Variants in AGBL4 observed in about 807,000 individuals in gnomAD.
AGBL4 encodes AGBL carboxypeptidase 4.
AGBL4 carries 58 observed loss-of-function variants against 66.4 expected under a neutral mutation model. The ratio of observed to expected loss-of-function variants is 0.87; its 90% CI spans 0.71 to 1.09. The LOEUF is 1.09. Ranked by LOEUF, AGBL4 falls within the 50% of genes least tolerant of loss-of-function variation. The pLI is 0.00. For missense variants in AGBL4, 579 were observed against 631.0 expected (o/e 0.92, Z 0.88); for synonymous variants, 234 against 222.9 (o/e 1.05, Z -0.44).
chr1:48,851,420 A>G (rs1026441976), intron 6 of AGBL4, among the ~76,000 whole-genome samples: 1 of 152,210 alleles, frequency 6.6e-6, no homozygotes, highest in Non-Finnish European at 1.5e-5. Flanking sequence ...AACAAAACAT[A>G]GGCAGGGGCC....
intron 2 of AGBL4, chr1:49,845,408 C>A: frequency 7.2e-7 from 1 of 1,385,400 alleles, no homozygotes; most frequent in East Asian, 2.3e-5. Flanking sequence ...AACAAGAAGC[C>A]CTATGAGTGC....
intron 5 of AGBL4, among the ~76,000 whole-genome samples, chr1:48,878,648 C>A (rs1460015075): frequency 2.0e-5 from 3 of 152,110 alleles, no homozygotes; most frequent in Non-Finnish European, 4.4e-5. Flanking sequence ...TGACTGTGAG[C>A]TTTTACCAGC....
intron 1 of AGBL4, among the ~76,000 whole-genome samples, chr1:49,960,664 T>A (rs1571964715): frequency 6.6e-6 from 1 of 152,154 alleles, no homozygotes; most frequent in East Asian, 1.9e-4. Context: ...AACATCACTG[T>A]GTATCTCATG....
Position 49,245,398 on chromosome 1 carries a change from A to C in AGBL4, c.377+372T>G, listed in dbSNP as rs1211826520. The stretch of plus-strand genomic sequence containing the variant: ...ATCTATGCTTAGGCTAGGAAAAAAA[A>C]AAAGAACCAACTTTATTTATGTTTC... On this transcript the variant is annotated intron_variant, in intron 4 of 13. Transcript: ENST00000371839. Among the ~76,000 whole-genome samples the C allele has an allele frequency of 3.3e-5, 5 of 151,744 alleles. No homozygotes were observed. In the East Asian group the frequency reaches 9.7e-4, roughly 29 times the overall value.
rs1646120377 is a variant in AGBL4, at chr1:49,655,965, G to C, written c.282+41348C>G. Reference sequence around the variant, plus strand: ...AGTTCAAGACCAGCCTGACCAACCTGGTGAAACCCCGTCTCTATTAAAAAT... The same window carrying C: ...AGTTCAAGACCAGCCTGACCAACCTCGTGAAACCCCGTCTCTATTAAAAAT... On this transcript the variant is annotated intron_variant, in intron 3 of 13. Coordinates refer to ENST00000371839, the MANE Select transcript of AGBL4 (RefSeq NM_032785.4). 2.0e-5 allele frequency among the ~76,000 whole-genome samples: 3 copies of C among 152,190 alleles called. No homozygotes were observed. The South Asian group carries it at 6.2e-4, about 32-fold the overall frequency.
At chr1:49,916,174 C>A (rs185032344) in intron 1 of AGBL4, among the ~76,000 whole-genome samples, 2 of 152,130 alleles carry the variant, frequency 1.3e-5, no homozygotes, top group Non-Finnish European at 2.9e-5. Flanking sequence ...AAAATCTGAG[C>A]GCCCCTCCCC....
At chr1:49,099,416 G>C (rs1468734426) in intron 4 of AGBL4, among the ~76,000 whole-genome samples, 1 of 152,052 alleles carries the variant, frequency 6.6e-6, no homozygotes, top group African/African-American at 2.4e-5. Flanking sequence ...TCTCATTCCA[G>C]CTCTGTCACT....
rs1460219865 is a variant in AGBL4 at position 49,514,552 on chromosome 1, G to A, written c.282+182761C>T. On this transcript the variant is annotated intron_variant, in intron 3 of 13. Transcript: ENST00000371839. ...AAAAAACTACTTTAAAGTTCATATG[G>A]AACCAAAAAAGAGCCTGCATCACCA... is the stretch of plus-strand genomic sequence containing the variant. Among the ~76,000 whole-genome samples the A allele has an allele frequency of 7.9e-5, 12 of 151,808 alleles. No homozygotes were observed. In the South Asian group the frequency reaches 1.7e-3, roughly 21 times the overall value.
intron 3 of AGBL4, among the ~76,000 whole-genome samples, chr1:49,437,893 A>T (rs1645937776): frequency 6.6e-6 from 1 of 152,166 alleles, no homozygotes; most frequent in African/African-American, 2.4e-5. Context: ...TGAGTGCTTA[A>T]ACAGTATATC....
chr1:49,407,158 T>G (rs892128963), intron 3 of AGBL4, among the ~76,000 whole-genome samples: 1 of 152,086 alleles, frequency 6.6e-6, no homozygotes, highest in African/African-American at 2.4e-5. Flanking sequence ...ATGGAGGGTA[T>G]TTTTGGATAA....
chr1:48,850,698 G>A (rs1198285492), intron 6 of AGBL4, among the ~76,000 whole-genome samples: 1 of 152,012 alleles, frequency 6.6e-6, no homozygotes, highest in African/African-American at 2.4e-5. Flanking sequence ...CTAATTTTCT[G>A]TAGAGACGGG....
At chr1:48,802,648 T>C (rs1368326815) in intron 6 of AGBL4, among the ~76,000 whole-genome samples, 1 of 152,218 alleles carries the variant, frequency 6.6e-6, no homozygotes, top group East Asian at 1.9e-4. Context: ...CTAATAGCAC[T>C]GGACCACTCA....
At chr1:49,160,237 G>A (rs1476869829) in intron 4 of AGBL4, among the ~76,000 whole-genome samples, 2 of 152,166 alleles carry the variant, frequency 1.3e-5, no homozygotes, top group African/African-American at 2.4e-5. Context: ...GTGACATTTG[G>A]ATGGGGTCGA....
intron 3 of AGBL4, among the ~76,000 whole-genome samples, chr1:49,267,035 G>T (rs1481092123): frequency 6.6e-6 from 1 of 152,106 alleles, no homozygotes; most frequent in Non-Finnish European, 1.5e-5. Flanking sequence ...GAGAAAACAA[G>T]CAAGTAAACA....
intron 5 of AGBL4, among the ~76,000 whole-genome samples, chr1:48,972,535 T>A (rs544682434): frequency 2.0e-5 from 3 of 152,280 alleles, no homozygotes; most frequent in Admixed American, 2.0e-4. Context: ...TTATCCCATT[T>A]TATAGGTGAA....
chr1:49,818,328 T>G lies in AGBL4; in HGVS notation c.157+33068A>C, dbSNP rs1014226599. Among the ~76,000 whole-genome samples, 71 of 151,322 alleles carry G rather than the reference T, an allele frequency of 4.7e-4. 1 individual carries two copies. In the Middle Eastern group the frequency reaches 0.014, roughly 29 times the overall value. On this transcript the variant is annotated intron_variant, in intron 2 of 13. Coordinates refer to ENST00000371839, the MANE Select transcript of AGBL4 (RefSeq NM_032785.4). ...TTGTTGAATTTCATAATCATATGGG[T>G]TTTTTTTAGTTTCTTGCTTTCTGTT...
At chr1:49,697,735 A>G (rs1197292036) in intron 2 of AGBL4, among the ~76,000 whole-genome samples, 1 of 152,152 alleles carries the variant, frequency 6.6e-6, no homozygotes, top group African/African-American at 2.4e-5. Context: ...GTAAGCCCCT[A>G]TAAACCAAGA....
intron 4 of AGBL4, among the ~76,000 whole-genome samples, chr1:49,123,906 T>C (rs891546905): frequency 6.6e-5 from 10 of 152,166 alleles, no homozygotes; most frequent in Admixed American, 3.9e-4. Context: ...TTTTTCCTAC[T>C]CTCATTTTGC....
chr1:49,025,662 A>G (rs1002973790), intron 5 of AGBL4: 3 of 152,172 alleles, frequency 2.0e-5, no homozygotes, highest in Non-Finnish European at 2.9e-5. Context: ...GACCATACCC[A>G]AAGGTAATAA....
Sources: gnomAD v4.1 joint callset for allele counts (sites outside exome capture counted in the v4.1 genomes callset) on GRCh38, gnomAD v4.1.1 for gene constraint, MANE v1.5 for transcripts, NCBI Gene and HGNC (gene_info 2026-07-23, HGNC 2026-07-21) for gene names.